The following MAN2A1 variants were observed in gnomAD, a reference collection of about 807,000 sequenced individuals.
MAN2A1 encodes alpha-mannosidase 2.
In MAN2A1, 76 loss-of-function variants were observed where a neutral mutation model predicts 142.6. The observed-to-expected ratio is 0.53, with a 90% CI of 0.44 to 0.65. The LOEUF (loss-of-function observed/expected upper bound fraction) is 0.65. Ranked by LOEUF, MAN2A1 falls within the 30% of genes least tolerant of loss-of-function variation. The probability of loss-of-function intolerance (pLI) is 0.00; values close to 1 mark genes in which losing one functional copy is unlikely to be tolerated. For synonymous variants in MAN2A1, 559 were observed against 473.2 expected (o/e 1.18, Z -2.35); for missense variants, 1,311 against 1,365.1 (o/e 0.96, Z 0.62).
chr5:109,799,821 A>T (rs1248846974), intron 12 of MAN2A1, among the ~76,000 whole-genome samples: 1 of 148,302 alleles, frequency 6.7e-6, no homozygotes, highest in Non-Finnish European at 1.5e-5. Flanking sequence ...GGGCATGGTG[A>T]CTTACCCTAT....
chr5:109,767,157 G>T (rs1228822082), intron 5 of MAN2A1, among the ~76,000 whole-genome samples: 1 of 152,174 alleles, frequency 6.6e-6, no homozygotes, highest in Non-Finnish European at 1.5e-5. Flanking sequence ...AATAGTTCCA[G>T]AGTTATCCAG....
rs1261398990 is a variant in MAN2A1 at position 109,719,781 on chromosome 5, A to C, written c.535+3517A>C. Among the ~76,000 whole-genome samples, 4 of 151,930 alleles carry C rather than the reference A, an allele frequency of 2.6e-5. No homozygotes were observed. In the East Asian group the frequency reaches 5.8e-4, roughly 22 times the overall value. On this transcript the variant is annotated intron_variant, in intron 3 of 21. Coordinates refer to ENST00000261483, the MANE Select transcript of MAN2A1 (RefSeq NM_002372.4). ...TATAGATATTTTTCTTTTTGGACTG[A>C]GTTGGTAATATCTCTCAAGAAAAGG...
intron 1 of MAN2A1, among the ~76,000 whole-genome samples, chr5:109,710,459 G>A (rs149163378): frequency 8.0e-4 from 121 of 152,118 alleles, no homozygotes; most frequent in African/African-American, 2.9e-3. Flanking sequence ...GGGCACTCAT[G>A]TATTAAGTTT....
chr5:109,823,965 A>G (rs188797737), intron 16 of MAN2A1, 128 bp downstream of exon 16: 1 of 506,730 alleles, frequency 2.0e-6, no homozygotes. Context: ...GACATTTTTA[A>G]TATGATTTAA....
chr5:109,730,100 T>C (rs1158944645), intron 4 of MAN2A1, among the ~76,000 whole-genome samples: 1 of 152,204 alleles, frequency 6.6e-6, no homozygotes, highest in Non-Finnish European at 1.5e-5. Context: ...AAGTGACACC[T>C]GTATAGTTTG....
intron 7 of MAN2A1, 113 bp downstream of exon 7, chr5:109,770,654 A>G: frequency 1.1e-6 from 1 of 946,946 alleles, no homozygotes; most frequent in South Asian, 1.6e-5. Context: ...TCCTTGTTTG[A>G]AGTATTCATT....
chr5:109,696,770 A>G (rs755642060), intron 1 of MAN2A1, among the ~76,000 whole-genome samples: 2 of 152,310 alleles, frequency 1.3e-5, no homozygotes, highest in Admixed American at 6.5e-5. Context: ...TACCCAGTAC[A>G]TGTCGTTAGC....
intron 7 of MAN2A1, among the ~76,000 whole-genome samples, chr5:109,770,822 T>C (rs1266151993): frequency 6.6e-6 from 1 of 152,180 alleles, no homozygotes; most frequent in Non-Finnish European, 1.5e-5. Context: ...ATAAAAGCCT[T>C]CTACTGTGTT....
chr5:109,866,756 C>T, intron 21 of MAN2A1, 90 bp from the exon 22 acceptor site: 10 of 788,780 alleles, frequency 1.3e-5, no homozygotes, highest in East Asian at 1.1e-4. Context: ...TGTTTTATTC[C>T]TTCTCATACT....
chr5:109,738,503 A>G (rs1031896532), intron 4 of MAN2A1, among the ~76,000 whole-genome samples: 1 of 152,146 alleles, frequency 6.6e-6, no homozygotes, highest in Non-Finnish European at 1.5e-5. Context: ...CTTGAAGGAC[A>G]GTCAGCTTGG....
intron 1 of MAN2A1, among the ~76,000 whole-genome samples, chr5:109,711,837 T>G (rs1002054629): frequency 5.4e-4 from 83 of 152,334 alleles, no homozygotes; most frequent in East Asian, 1.4e-3. Flanking sequence ...GAGTTCTATC[T>G]TGTGGTGACT....
chr5:109,824,216 A>G (rs540211731), intron 16 of MAN2A1, among the ~76,000 whole-genome samples: 2 of 152,360 alleles, frequency 1.3e-5, no homozygotes, highest in African/African-American at 4.8e-5. Context: ...TTCCTTAAAT[A>G]TAGCCTGTAT....
intron 4 of MAN2A1, among the ~76,000 whole-genome samples, chr5:109,742,245 T>C (rs1034047998): frequency 1.1e-4 from 16 of 152,230 alleles, no homozygotes; most frequent in African/African-American, 3.1e-4. Context: ...TATTAGAACC[T>C]AAGAACAGTT....
chr5:109,793,005 G>A (rs1408616262), intron 12 of MAN2A1, among the ~76,000 whole-genome samples: 1 of 152,066 alleles, frequency 6.6e-6, no homozygotes, highest in Non-Finnish European at 1.5e-5. Context: ...ATTGGTCAAG[G>A]AAGTCATTAA....
rs1754576596 is a variant in MAN2A1 at position 109,819,878 on chromosome 5, A to G, written c.2319A>G (p.Gly773=). Residue 773 remains glycine (G), a synonymous_variant, in exon 14 of 22, where the codon GGA becomes GGG. Transcript: ENST00000261483. Reference sequence around the variant, plus strand: ...TTTTACTTCGGTTTGATCAAACTGGACTTATGAAGGTATGTTCTGAATAGT... The same window carrying G: ...TTTTACTTCGGTTTGATCAAACTGGGCTTATGAAGGTATGTTCTGAATAGT... ...SFVLLRFDQT[G]LMKQMMTKED... The G allele has an allele frequency of 1.3e-6, 2 of 1,584,148 alleles. No homozygotes were observed. The highest frequency in any genetic ancestry group is 1.8e-5 in the Admixed American group (1 of 55,472).
chr5:109,848,764 C>T (rs1349933889), intron 19 of MAN2A1, among the ~76,000 whole-genome samples: 1 of 152,116 alleles, frequency 6.6e-6, no homozygotes, highest in African/African-American at 2.4e-5. Context: ...CTTTTGAACA[C>T]TCTGTTTTCT....
At chr5:109,844,547 A>T (rs918781582) in intron 17 of MAN2A1, among the ~76,000 whole-genome samples, 2 of 152,096 alleles carry the variant, frequency 1.3e-5, no homozygotes, top group African/African-American at 4.8e-5. Context: ...AGGCTGCCAT[A>T]CAAATGGAAT....
At chr5:109,715,584 G>A (rs1472418450) in intron 2 of MAN2A1, among the ~76,000 whole-genome samples, 1 of 152,020 alleles carries the variant, frequency 6.6e-6, no homozygotes, top group Non-Finnish European at 1.5e-5. Context: ...GGTTGACCCT[G>A]TTGTAGTTTT....
chr5:109,698,385 C>G (rs1379893630), intron 1 of MAN2A1, among the ~76,000 whole-genome samples: 1 of 152,190 alleles, frequency 6.6e-6, no homozygotes, highest in Non-Finnish European at 1.5e-5. Context: ...ATGTCACTTT[C>G]TTTGCTGTGT....
Sources: gnomAD v4.1 joint callset for allele counts (sites outside exome capture counted in the v4.1 genomes callset) on GRCh38, gnomAD v4.1.1 for gene constraint, MANE v1.5 for transcripts, NCBI Gene and HGNC (gene_info 2026-07-23, HGNC 2026-07-21) for gene names.